The following DLG1 variants were observed in gnomAD, a reference collection of about 807,000 sequenced individuals.
The protein encoded by DLG1 is disks large homolog 1.
DLG1 carries 42 observed loss-of-function variants against 123.4 expected under a neutral mutation model. The observed-to-expected ratio is 0.34, with a 90% CI of 0.27 to 0.44. The LOEUF (loss-of-function observed/expected upper bound fraction) is 0.44, where lower values mean the gene tolerates loss of function less well. DLG1 is among the 20% of genes least tolerant of loss of function. DLG1 has a pLI of 1.00. For missense variants in DLG1, 942 were observed against 1,082.6 expected (o/e 0.87, Z 1.82); for synonymous variants, 317 against 356.2 (o/e 0.89, Z 1.24).
chr3:197,196,998 A>T (rs1049904209), intron 4 of DLG1, among the ~76,000 whole-genome samples: 35 of 152,342 alleles, frequency 2.3e-4, no homozygotes, highest in East Asian at 3.9e-4. Flanking sequence ...ATTAAAATTT[A>T]AAAAAGCCTC....
chr3:197,161,905 ATTGT>A (rs1353470251), intron 5 of DLG1, among the ~76,000 whole-genome samples: 1 of 152,198 alleles, frequency 6.6e-6, no homozygotes, highest in East Asian at 1.9e-4. Context: ...TTCTCTAGAA[ATTGT>A]TTTAGAAAGT....
intron 24 of DLG1, among the ~76,000 whole-genome samples, chr3:197,050,022 C>T (rs1175979530): frequency 1.5e-4 from 23 of 151,730 alleles, no homozygotes; most frequent in Admixed American, 1.5e-3. Flanking sequence ...GATCATGACA[C>T]TGTACTCCAG....
rs188099882 is a variant in DLG1, at chr3:197,140,368, C to G, written c.589-104G>C. On this transcript the variant is annotated intron_variant, in intron 7 of 24. Coordinates refer to ENST00000667157, the MANE Select transcript of DLG1 (RefSeq NM_001366207.1). ...AACTGTACTAACATAAGGAACACAA[C>G]AAATAAAGGTATATGGGTGAGTAAT... 6.2e-4 allele frequency: 729 copies of G among 1,179,542 alleles called. 5 individuals carry two copies. In the African/African-American group the frequency reaches 9.8e-3, roughly 16 times the overall value. The allele number at this position is 1,179,542 out of a possible 1,614,324, so 73.1% of individuals were successfully genotyped here.
intron 5 of DLG1, among the ~76,000 whole-genome samples, chr3:197,163,106 A>G (rs1282998308): frequency 6.6e-6 from 1 of 152,252 alleles, no homozygotes; most frequent in Non-Finnish European, 1.5e-5. Flanking sequence ...GATGCTCGAC[A>G]TCATTAGTCC....
intron 4 of DLG1, among the ~76,000 whole-genome samples, chr3:197,202,317 T>C (rs1016574907): frequency 2.6e-5 from 4 of 152,150 alleles, no homozygotes; most frequent in Admixed American, 1.3e-4. Flanking sequence ...AACCAGATTA[T>C]AGAACCTGAA....
chr3:197,178,091 A>C (rs1269406457), intron 5 of DLG1, among the ~76,000 whole-genome samples: 1 of 152,194 alleles, frequency 6.6e-6, no homozygotes, highest in African/African-American at 2.4e-5. Context: ...GCTGACAGTC[A>C]AGTAAAAAGA....
intron 13 of DLG1, among the ~76,000 whole-genome samples, chr3:197,106,464 TAAAC>T (rs1560708774): frequency 8.8e-6 from 1 of 113,386 alleles, no homozygotes; most frequent in Non-Finnish European, 1.7e-5. Flanking sequence ...ATCCATAACA[TAAAC>T]AAATGTAAAC....
chr3:197,077,317 G>T (rs1464886303), intron 17 of DLG1, among the ~76,000 whole-genome samples: 2 of 151,924 alleles, frequency 1.3e-5, no homozygotes, highest in Non-Finnish European at 2.9e-5. Context: ...AAAATGGGAA[G>T]AAAACTAAAA....
At chr3:197,182,453 GTTAT>G (rs1444431822) in intron 5 of DLG1, among the ~76,000 whole-genome samples, 2 of 151,944 alleles carry the variant, frequency 1.3e-5, no homozygotes, top group African/African-American at 4.8e-5. Context: ...GAAAGCTGAT[GTTAT>G]TTTAAATCAA....
intron 4 of DLG1, among the ~76,000 whole-genome samples, chr3:197,200,837 AC>A (rs1224511840): frequency 1.3e-5 from 2 of 152,180 alleles, no homozygotes; most frequent in Admixed American, 1.3e-4. Context: ...ACATATCTCA[AC>A]AAAAAAAAGA....
At chr3:197,198,247 C>T (rs1304160973) in intron 4 of DLG1, among the ~76,000 whole-genome samples, 8 of 151,992 alleles carry the variant, frequency 5.3e-5, no homozygotes, top group African/African-American at 1.7e-4. Context: ...CCCAGCCTTT[C>T]GGGAGGCCAA....
chr3:197,101,207 A>G lies in DLG1; in HGVS notation c.1546+3696T>C, dbSNP rs576756511. 3.9e-5 allele frequency among the ~76,000 whole-genome samples: 6 copies of G among 152,358 alleles called. No individual in the cohort carries two copies. The East Asian group carries it at 1.2e-3, about 29-fold the overall frequency. On this transcript the variant is annotated intron_variant, in intron 14 of 24. Coordinates refer to ENST00000667157, the MANE Select transcript of DLG1 (RefSeq NM_001366207.1). ...CTAGAAGAAATCTTAACCGTTTAAC[A>G]GTTGTGTAACTAGCAAATTACTTGG...
intron 4 of DLG1, among the ~76,000 whole-genome samples, chr3:197,280,006 T>A (rs994919846): frequency 3.3e-5 from 5 of 152,206 alleles, no homozygotes; most frequent in Admixed American, 6.5e-5. Context: ...ACATTTCAAA[T>A]CTTCTAAACC....
rs750866249 is a variant in DLG1, at chr3:197,130,520, G to A, written c.1165+7C>T. The A allele has an allele frequency of 4.4e-6, 7 of 1,592,310 alleles. No individual in the cohort carries two copies. In the South Asian group the frequency reaches 6.9e-5, roughly 16 times the overall value. On this transcript the variant is annotated splice_region_variant and intron_variant, in intron 11 of 24. Coordinates refer to ENST00000667157, the MANE Select transcript of DLG1 (RefSeq NM_001366207.1). ...AAATTTAAGCAAACGTATGCTAACA[G>A]ACTTACAGTTGGTGATATCAGGTGG...
intron 16 of DLG1, among the ~76,000 whole-genome samples, chr3:197,083,388 T>C (rs1306173072): frequency 2.0e-5 from 3 of 152,188 alleles, no homozygotes; most frequent in Non-Finnish European, 4.4e-5. Context: ...ATGATCTCAT[T>C]AACTATTTTT....
At chr3:197,297,814 C>G in intron 1 of DLG1, 4 of 985,402 alleles carry the variant, frequency 4.1e-6, no homozygotes, top group African/African-American at 1.7e-5. Context: ...TTCCGGTGAG[C>G]GGCGTGCGCT....
At chr3:197,256,119 C>T (rs1200001931) in intron 4 of DLG1, among the ~76,000 whole-genome samples, 1 of 152,170 alleles carries the variant, frequency 6.6e-6, no homozygotes, top group Non-Finnish European at 1.5e-5. Context: ...TTCTATGTGT[C>T]CTATAAAAAT....
intron 3 of DLG1, among the ~76,000 whole-genome samples, chr3:197,295,142 G>A (rs949312059): frequency 3.9e-5 from 6 of 152,138 alleles, no homozygotes; most frequent in African/African-American, 1.4e-4. Flanking sequence ...GTGAATTTCT[G>A]GAGCTGGGTA....
chr3:197,189,049 T>TA (rs1717749340), intron 5 of DLG1, among the ~76,000 whole-genome samples: 1 of 152,216 alleles, frequency 6.6e-6, no homozygotes, highest in Non-Finnish European at 1.5e-5. Flanking sequence ...GAAACAGTCT[T>TA]AATCATTCTT....
Sources: allele counts gnomAD v4.1 joint callset (sites outside exome capture counted in the v4.1 genomes callset), GRCh38; gene constraint gnomAD v4.1.1; transcripts MANE v1.5; gene names NCBI Gene and HGNC (gene_info 2026-07-23, HGNC 2026-07-21).